ARID5B: variants seen among roughly 807,000 people sequenced by gnomAD.
The protein encoded by ARID5B is AT-rich interaction domain 5B.
A neutral mutation model predicts 97.2 loss-of-function variants in ARID5B; 13 were observed. The observed-to-expected ratio is 0.13, with a 90% CI of 0.09 to 0.21. ARID5B has a LOEUF of 0.21. Among genes scored for constraint, ARID5B ranks in the 10% least tolerant of loss-of-function variants. The probability of loss-of-function intolerance (pLI) is 1.00; values close to 1 mark genes in which losing one functional copy is unlikely to be tolerated. For synonymous variants in ARID5B, 556 were observed against 570.3 expected, an observed-to-expected ratio of 0.97 and a Z score of 0.36; for missense variants, 1,210 against 1,465.3, an observed-to-expected ratio of 0.83 and a Z score of 2.84.
At chr10:62,063,511 A>T (rs1055321008) in intron 7 of ARID5B, among the ~76,000 whole-genome samples, 5 of 132,170 alleles carry the variant, frequency 3.8e-5, no homozygotes, top group South Asian at 2.3e-4. Context: ...AAATTGAATT[A>T]AAAAAAAAAA....
At chr10:61,972,163 A>T (rs1838636673) in intron 3 of ARID5B, among the ~76,000 whole-genome samples, 1 of 150,636 alleles carries the variant, frequency 6.6e-6, no homozygotes, top group Non-Finnish European at 1.5e-5. Context: ...TATATTTTTT[A>T]TCTGCTTATA....
intron 3 of ARID5B, among the ~76,000 whole-genome samples, chr10:61,992,600 A>G (rs1256451853): frequency 6.6e-6 from 1 of 151,606 alleles, no homozygotes. Flanking sequence ...TTTTTCCCAC[A>G]TTTACTTTTT....
At position 61,908,627 on chromosome 10, in the gene ARID5B, G is replaced by A. The variant is rs142736226; in HGVS notation, c.276+6214G>A. Among the ~76,000 whole-genome samples, 83 of 151,830 alleles carry A rather than the reference G, an allele frequency of 5.5e-4. 2 individuals carry two copies. The East Asian group carries it at 0.013, about 23-fold the overall frequency. On this transcript the variant is annotated intron_variant, in intron 2 of 9. Coordinates refer to ENST00000279873, the MANE Select transcript of ARID5B (RefSeq NM_032199.3). ...ATCCTGGCTAACATGGTGAAACCCC[G>A]TCTCTACTAAAAATACAAAAAAATT...
chr10:62,069,903 G>GTTTCCC, intron 8 of ARID5B, 106 bp downstream of exon 8: 1 of 1,123,216 alleles, frequency 8.9e-7, no homozygotes, highest in Non-Finnish European at 1.3e-6. Context: ...TTGGGAAACT[G>GTTTCCC]AAAATTTCCC....
At chr10:61,901,916 T>C (rs554012436) in intron 1 of ARID5B, among the ~76,000 whole-genome samples, 186 bp downstream of exon 1, 1 of 151,394 alleles carries the variant, frequency 6.6e-6, no homozygotes, top group Admixed American at 6.6e-5. Context: ...ACATACATAA[T>C]GTAATTTTAC....
At chr10:61,985,342 T>C (rs1202090213) in intron 3 of ARID5B, among the ~76,000 whole-genome samples, 1 of 151,908 alleles carries the variant, frequency 6.6e-6, no homozygotes, top group African/African-American at 2.4e-5. Context: ...ACACCCCTCT[T>C]TAAAGAGGGA....
chr10:62,007,498 T>C (rs1434911475), intron 4 of ARID5B, among the ~76,000 whole-genome samples: 1 of 152,214 alleles, frequency 6.6e-6, no homozygotes, highest in African/African-American at 2.4e-5. Flanking sequence ...AAATGTGAGA[T>C]AACTGTGGAC....
intron 3 of ARID5B, among the ~76,000 whole-genome samples, chr10:61,942,779 C>T (rs887633262): frequency 1.3e-5 from 2 of 152,126 alleles, no homozygotes; most frequent in African/African-American, 4.8e-5. Context: ...TGGGCGACAA[C>T]AGCGAGGCTC....
At chr10:61,956,892 A>G (rs1319734320) in intron 3 of ARID5B, among the ~76,000 whole-genome samples, 1 of 152,154 alleles carries the variant, frequency 6.6e-6, no homozygotes, top group Non-Finnish European at 1.5e-5. Flanking sequence ...ATTTGCGGGT[A>G]TTCCTCCAGT....
chr10:62,093,024 A>T lies in ARID5B; in HGVS notation c.3561A>T (p.Lys1187Asn). 3 of 1,605,482 alleles carry T rather than the reference A, an allele frequency of 1.9e-6. No individual in the cohort carries two copies. The highest frequency in any genetic ancestry group is 2.5e-6 in the Non-Finnish European group (3 of 1,177,758). ...SQLSSVHPST[K>N]L ...TGTCATCCGTGCACCCCAGTACAAA[A>T]CTGTAGGCTCAGCTCTGCCCAGCAG... Residue 1187 changes from lysine (K) to asparagine (N), a missense_variant, in exon 10 of 10, where the codon AAA becomes AAT. Transcript: ENST00000279873.
At chr10:61,946,292 ATGG>A (rs1262482619) in intron 3 of ARID5B, among the ~76,000 whole-genome samples, 1 of 152,084 alleles carries the variant, frequency 6.6e-6, no homozygotes. Flanking sequence ...AGATGTGGAC[ATGG>A]GAAGGATTCT....
chr10:62,083,237 T>C (rs964010775), intron 8 of ARID5B, among the ~76,000 whole-genome samples: 2 of 148,892 alleles, frequency 1.3e-5, no homozygotes, highest in Admixed American at 6.7e-5. Context: ...GTGAAATGTA[T>C]TTTTTACTGC....
intron 9 of ARID5B, among the ~76,000 whole-genome samples, chr10:62,090,561 AC>A (rs1429294795): frequency 2.0e-5 from 3 of 152,234 alleles, no homozygotes; most frequent in Non-Finnish European, 4.4e-5. Context: ...TTAGAATTAA[AC>A]TATATATTAG....
chr10:61,990,315 C>A (rs181794197), intron 3 of ARID5B, among the ~76,000 whole-genome samples: 2 of 152,116 alleles, frequency 1.3e-5, no homozygotes, highest in African/African-American at 4.8e-5. Flanking sequence ...CCTCAAGTGG[C>A]GAGATTATTT....
intron 2 of ARID5B, among the ~76,000 whole-genome samples, chr10:61,927,401 A>C (rs1013874079): frequency 3.3e-5 from 5 of 152,186 alleles, no homozygotes; most frequent in Admixed American, 6.5e-5. Flanking sequence ...GTAGAGCTGC[A>C]CTTGAACCTC....
intron 2 of ARID5B, among the ~76,000 whole-genome samples, chr10:61,931,059 G>T (rs1040246997): frequency 1.3e-5 from 2 of 152,094 alleles, no homozygotes; most frequent in African/African-American, 4.8e-5. Flanking sequence ...CAAAATTAGG[G>T]TTGTTCATTA....
intron 3 of ARID5B, among the ~76,000 whole-genome samples, chr10:61,943,752 A>C (rs1311501135): frequency 1.3e-5 from 2 of 152,084 alleles, no homozygotes; most frequent in Non-Finnish European, 2.9e-5. Flanking sequence ...AAAAAAAAAA[A>C]ACAAGAATGT....
intron 8 of ARID5B, among the ~76,000 whole-genome samples, chr10:62,084,322 A>C (rs1483440967): frequency 6.6e-6 from 1 of 152,256 alleles, no homozygotes; most frequent in African/African-American, 2.4e-5. Context: ...GTACTGTCAA[A>C]CCTGAACAAT....
intron 7 of ARID5B, among the ~76,000 whole-genome samples, chr10:62,060,314 G>A (rs1388680375): frequency 6.6e-6 from 1 of 152,194 alleles, no homozygotes; most frequent in Non-Finnish European, 1.5e-5. Context: ...CAAGCATTAT[G>A]TGGTTCAGAT....
Sources: gnomAD v4.1 joint callset for allele counts (sites outside exome capture counted in the v4.1 genomes callset) on GRCh38, gnomAD v4.1.1 for gene constraint, MANE v1.5 for transcripts, NCBI Gene and HGNC (gene_info 2026-07-23, HGNC 2026-07-21) for gene names.